The following GET4 variants were observed in gnomAD, a reference collection of about 807,000 sequenced individuals.
The protein encoded by GET4 is Golgi to ER traffic protein 4 homolog.
A neutral mutation model predicts 40.0 loss-of-function variants in GET4; 20 were observed. That is an observed-to-expected ratio of 0.50 (90% CI 0.35 to 0.73). GET4 has a LOEUF of 0.73. Ranked by LOEUF, GET4 falls within the 30% of genes least tolerant of loss-of-function variation. The pLI is 0.01. For missense variants in GET4, 557 were observed against 454.0 expected (o/e 1.23, Z -2.06); for synonymous variants, 280 against 194.6 (o/e 1.44, Z -3.65).
chr7:884,079 A>C, intron 1 of GET4: 1 of 1,191,588 alleles, frequency 8.4e-7, no homozygotes. Flanking sequence ...ACTGCCTTCC[A>C]GGGAGTCCTT....
rs74648209 is a variant in GET4, at chr7:891,212, C to G, written c.605+146C>G. On this transcript the variant is annotated intron_variant, in intron 5 of 8. Coordinates refer to ENST00000265857, the MANE Select transcript of GET4 (RefSeq NM_015949.3). ...GCAGAGCCCACAGTGCACTTGTCAG[C>G]CTGACCCATGATTTTTCATAAGTTT... 5.4e-4 allele frequency: 331 copies of G among 610,276 alleles called. No homozygotes were observed. The African/African-American group carries it at 6.0e-3, about 11-fold the overall frequency. 37.8% of individuals were successfully genotyped at this position (610,276 alleles called of 1,614,324 possible). A position where few individuals can be genotyped will look rare whatever the true frequency, so the allele number is the denominator to read the frequency against.
At chr7:893,381 G>T (rs1844382687) in intron 6 of GET4, among the ~76,000 whole-genome samples, 1 of 140,970 alleles carries the variant, frequency 7.1e-6, no homozygotes. Flanking sequence ...CGTGGTGTGT[G>T]CAGGTGAGTG....
chr7:878,002 C>T (rs114829302), intron 1 of GET4: 8,162 of 240,064 alleles, frequency 0.034, 188 homozygotes, highest in Non-Finnish European at 0.045. Context: ...CAGCCGGGCC[C>T]TACACCGGGC....
intron 4 of GET4, among the ~76,000 whole-genome samples, chr7:887,765 C>T (rs1395616626): frequency 1.3e-5 from 2 of 152,216 alleles, no homozygotes; most frequent in Non-Finnish European, 2.9e-5. Context: ...ACGTTCTGAC[C>T]CTCAGGGAGG....
intron 4 of GET4, among the ~76,000 whole-genome samples, chr7:890,553 G>A (rs948755399): frequency 4.6e-5 from 7 of 152,060 alleles, no homozygotes; most frequent in East Asian, 1.9e-4. Flanking sequence ...ATCTACATCC[G>A]AGGTGCACTG....
chr7:887,075 C>A, intron 3 of GET4: 1 of 617,164 alleles, frequency 1.6e-6, no homozygotes. Flanking sequence ...CGGGCCAGAG[C>A]CAGGTACCCA....
chr7:876,803 A>C lies in GET4; in HGVS notation c.155+3A>C, dbSNP rs781385003. 4 of 1,205,392 alleles carry C rather than the reference A, an allele frequency of 3.3e-6. No homozygotes were observed. The highest frequency in any genetic ancestry group is 3.0e-4 in the Middle Eastern group (1 of 3,328). 74.7% of individuals were successfully genotyped at this position (1,205,392 alleles called of 1,614,324 possible). The stretch of plus-strand genomic sequence containing the variant: ...ATGTACCGGACCCTGTTCTTCAGGT[A>C]CCCGCGCCCGGCCCTCGCCGCAGCC... On this transcript the variant is annotated splice_donor_region_variant and intron_variant, in intron 1 of 8. Transcript: ENST00000265857.
Position 887,417 on chromosome 7 carries a change from C to T in GET4, c.364C>T (p.Arg122Cys). ...CCTGATGGACCCCAACTCTCCTGAG[C>T]GCGTGACCTTTGTGTCCAGAGCCCT... ...FSLMDPNSPE[R>C]VTFVSRALKW... The change falls in exon 4 of 9, where the codon CGC becomes TGC. Residue 122 changes from arginine to cysteine, a missense_variant. Coordinates refer to ENST00000265857, the MANE Select transcript of GET4 (RefSeq NM_015949.3). The T allele has an allele frequency of 1.9e-6, 3 of 1,604,198 alleles. No individual in the cohort carries two copies. Among genetic ancestry groups the T allele is most frequent in the Non-Finnish European group, 2.6e-6 (3 of 1,174,104 alleles).
intron 4 of GET4, among the ~76,000 whole-genome samples, chr7:889,027 A>G (rs1277727264): frequency 7.2e-5 from 11 of 152,324 alleles, no homozygotes; most frequent in African/African-American, 2.6e-4. Context: ...CATGCCCAGT[A>G]CTCAGGAGAC....
chr7:895,138 ATC>A (rs1257972113), intron 8 of GET4, among the ~76,000 whole-genome samples, 194 bp from the exon 9 acceptor site: 3 of 150,616 alleles, frequency 2.0e-5, no homozygotes, highest in Admixed American at 6.6e-5. Context: ...ATGTTTGAGT[ATC>A]TCTGTGGTCG....
At chr7:883,937 T>C in intron 1 of GET4, 1 of 1,064,642 alleles carries the variant, frequency 9.4e-7, no homozygotes, top group Non-Finnish European at 1.1e-6. Context: ...TCCCGTCCTT[T>C]TTCCCCTTGC....
At chr7:882,748 G>A (rs1251061607) in intron 1 of GET4, 1 of 152,522 alleles carries the variant, frequency 6.6e-6, no homozygotes, top group African/African-American at 2.4e-5. Context: ...GCTGGGACGG[G>A]GAGTCATCTC....
In GET4 at chr7:887,357, G is replaced by A. The variant is rs1394797909; in HGVS notation, c.317-13G>A. On this transcript the variant is annotated splice_polypyrimidine_tract_variant and intron_variant, in intron 3 of 8. Coordinates refer to ENST00000265857, the MANE Select transcript of GET4 (RefSeq NM_015949.3). Reference sequence around the variant, plus strand: ...CCGTGCGTTCCTCTGATGAGGGTCTGTGCTGTTTGCAGAAAATCTGGCTAA... The same window carrying A: ...CCGTGCGTTCCTCTGATGAGGGTCTATGCTGTTTGCAGAAAATCTGGCTAA... 11 of 1,576,750 alleles carry A rather than the reference G, an allele frequency of 7.0e-6. No individual in the cohort carries two copies. The highest frequency in any genetic ancestry group is 1.8e-5 in the Admixed American group (1 of 56,750).
chr7:893,301 CGCG>C (rs1415077662), intron 6 of GET4, among the ~76,000 whole-genome samples: 2 of 88,394 alleles, frequency 2.3e-5, no homozygotes, highest in African/African-American at 4.6e-5. Context: ...TGGGCGCGGG[CGCG>C]GTGGTGTGTG....
Position 889,503 on chromosome 7 carries a change from A to G in GET4, c.467-1425A>G, listed in dbSNP as rs143371932. 5.6e-3 allele frequency among the ~76,000 whole-genome samples: 854 copies of G among 152,064 alleles called. 5 individuals are homozygous for G. Among genetic ancestry groups the G allele is most frequent in the African/African-American group, 0.019 (788 of 41,470 alleles). On this transcript the variant is annotated intron_variant, in intron 4 of 8. Transcript: ENST00000265857. ...CGAGGACTCTGGCAGCCACAAAGGC[A>G]GCGGGAGGGCCCTGGAGGCTCCTGT...
chr7:886,846 G>A (rs1432869265), intron 3 of GET4, among the ~76,000 whole-genome samples, 196 bp downstream of exon 3: 1 of 152,250 alleles, frequency 6.6e-6, no homozygotes, highest in East Asian at 1.9e-4. Context: ...CACACGGCAG[G>A]CTGAGCAGGA....
In GET4 at chr7:881,510, TC is replaced by T. The variant is rs140096770; in HGVS notation, c.156-4544del. 436 of 152,380 alleles carry T rather than the reference TC, an allele frequency of 2.9e-3. 4 individuals are homozygous for T. The highest frequency in any genetic ancestry group is 0.01 in the African/African-American group (416 of 41,600). The allele number at this position is 152,380 out of a possible 1,614,324, so 9.4% of individuals were successfully genotyped here. A position where few individuals can be genotyped will look rare whatever the true frequency, so the allele number is the denominator to read the frequency against. Reference sequence around the variant, plus strand: ...AGACTCCTCCTGGAGCGTCCGCAGTTCCTTTTATCGCTGAGTGGTTTTCCCT... The same window carrying T: ...AGACTCCTCCTGGAGCGTCCGCAGTTCTTTTATCGCTGAGTGGTTTTCCCT... On this transcript the variant is annotated intron_variant, in intron 1 of 8. Coordinates refer to ENST00000265857, the MANE Select transcript of GET4 (RefSeq NM_015949.3).
intron 1 of GET4, 67 bp downstream of exon 1, chr7:876,867 C>G (rs1843961378): frequency 5.5e-6 from 5 of 904,052 alleles, no homozygotes; most frequent in Non-Finnish European, 6.9e-6. Flanking sequence ...GCCGCGCCGC[C>G]TCGCCCCGCG....
At chr7:894,802 T>C (rs1233112247) in intron 8 of GET4, among the ~76,000 whole-genome samples, 2 of 152,118 alleles carry the variant, frequency 1.3e-5, no homozygotes, top group Non-Finnish European at 2.9e-5. Context: ...TCAGGAGACT[T>C]TTGGAGCTTT....
Sources: gnomAD v4.1 joint callset for allele counts (sites outside exome capture counted in the v4.1 genomes callset) on GRCh38, gnomAD v4.1.1 for gene constraint, MANE v1.5 for transcripts, NCBI Gene and HGNC (gene_info 2026-07-23, HGNC 2026-07-21) for gene names.